Variants in DENND4C observed in about 807,000 individuals in gnomAD.
The protein encoded by DENND4C is DENN domain containing 4C.
A neutral mutation model predicts 203.0 loss-of-function variants in DENND4C; 108 were observed. The ratio of observed to expected loss-of-function variants is 0.53; its 90% CI spans 0.46 to 0.62. The LOEUF is 0.62. Ranked by LOEUF, DENND4C falls within the 20% of genes least tolerant of loss-of-function variation. The probability of loss-of-function intolerance (pLI) is 0.00; values close to 1 mark genes in which losing one functional copy is unlikely to be tolerated. For missense variants in DENND4C, 2,481 were observed against 2,301.2 expected (o/e 1.08, Z -1.60); for synonymous variants, 871 against 792.4 (o/e 1.10, Z -1.67).
At chr9:19,271,165 G>T (rs1264759150) in intron 1 of DENND4C, among the ~76,000 whole-genome samples, 1 of 149,976 alleles carries the variant, frequency 6.7e-6, no homozygotes, top group African/African-American at 2.4e-5. Context: ...TAAAATCACA[G>T]TAGGCTTTTT....
Position 19,241,414 on chromosome 9 carries a change from T to C in DENND4C, c.-18+10581T>C, listed in dbSNP as rs147038057. On this transcript the variant is annotated intron_variant, in intron 1 of 32. Coordinates refer to ENST00000434457, the MANE Select transcript of DENND4C (RefSeq NM_001330640.2). Reference sequence around the variant, plus strand: ...TTTTTTTAGAGATAGAGTCTCGCTATGTTGCTTAGGCTGGCCTCCAACTCC... The same window carrying C: ...TTTTTTTAGAGATAGAGTCTCGCTACGTTGCTTAGGCTGGCCTCCAACTCC... Among the ~76,000 whole-genome samples the C allele has an allele frequency of 5.0e-3, 763 of 152,252 alleles. 6 individuals carry two copies. Among genetic ancestry groups the C allele is most frequent in the African/African-American group, 0.017 (727 of 41,560 alleles).
intron 1 of DENND4C, among the ~76,000 whole-genome samples, chr9:19,275,277 CT>C (rs71335412): frequency 0.4 from 51,440 of 129,844 alleles, 9,954 homozygotes; most frequent in African/African-American, 0.5. Context: ...CAGGCCCGGC[CT>C]TTTTTTTTTT....
At chr9:19,335,228 T>A in intron 18 of DENND4C, 123 bp downstream of exon 18, 4 of 513,394 alleles carry the variant, frequency 7.8e-6, no homozygotes, top group Non-Finnish European at 1.2e-5. Flanking sequence ...TAATAATTTT[T>A]ATAATTATTA....
chr9:19,305,270 C>T, intron 9 of DENND4C, 82 bp from the exon 10 acceptor site: 1 of 1,211,610 alleles, frequency 8.3e-7, no homozygotes, highest in Non-Finnish European at 1.1e-6. Flanking sequence ...TTTCAGTGGT[C>T]CCTTTTCAGT....
intron 12 of DENND4C, among the ~76,000 whole-genome samples, chr9:19,319,352 T>TTA (rs78391178): frequency 0.85 from 114,886 of 135,832 alleles, 47,928 homozygotes; most frequent in East Asian, 0.97. Context: ...ATATATATAC[T>TTA]TATATATACA....
intron 22 of DENND4C, 58 bp downstream of exon 22, chr9:19,342,837 G>A: frequency 1.5e-6 from 2 of 1,361,062 alleles, no homozygotes; most frequent in Non-Finnish European, 1.9e-6. Flanking sequence ...AGACTCATAT[G>A]TGTCTTTAAT....
chr9:19,293,380 A>G (rs998803803), intron 5 of DENND4C, among the ~76,000 whole-genome samples: 2 of 152,124 alleles, frequency 1.3e-5, no homozygotes, highest in East Asian at 1.9e-4. Context: ...GGCAAGGGTT[A>G]TAATGAAAAA....
intron 1 of DENND4C, among the ~76,000 whole-genome samples, chr9:19,237,647 C>T (rs1328907051): frequency 2.0e-5 from 3 of 152,136 alleles, no homozygotes; most frequent in Non-Finnish European, 4.4e-5. Flanking sequence ...GTAGCCATCG[C>T]ACCCAGCCAG....
chr9:19,273,416 A>G lies in DENND4C; in HGVS notation c.-17-2742A>G, dbSNP rs149505164. Among the ~76,000 whole-genome samples the G allele has an allele frequency of 4.4e-3, 669 of 152,122 alleles. 14 individuals are homozygous for G. The highest frequency in any genetic ancestry group is 0.016 in the African/African-American group (644 of 41,388). On this transcript the variant is annotated intron_variant, in intron 1 of 32. Transcript: ENST00000434457. ...GATTTCTTACGACATCGCAAGCATG[A>G]TCTGTAAGAGAATAGGTTAATAAAT... is the stretch of plus-strand genomic sequence containing the variant.
At chr9:19,260,296 G>A (rs1829030395) in intron 1 of DENND4C, among the ~76,000 whole-genome samples, 1 of 152,006 alleles carries the variant, frequency 6.6e-6, no homozygotes, top group South Asian at 2.1e-4. Context: ...AACCTATTCA[G>A]ATATTTTGCC....
intron 24 of DENND4C, among the ~76,000 whole-genome samples, chr9:19,351,553 A>C (rs532888321): frequency 6.6e-5 from 10 of 152,320 alleles, no homozygotes; most frequent in Admixed American, 2.6e-4. Context: ...CATGCCTGTA[A>C]TCCTAGCACT....
At chr9:19,369,805 T>G in intron 30 of DENND4C, 32 bp from the exon 31 acceptor site, 1 of 1,335,510 alleles carries the variant, frequency 7.5e-7, no homozygotes. Flanking sequence ...TAGTAATAAT[T>G]GAAAAAAAAC....
intron 1 of DENND4C, among the ~76,000 whole-genome samples, chr9:19,236,405 T>G (rs1413175740): frequency 6.6e-6 from 1 of 152,174 alleles, no homozygotes; most frequent in African/African-American, 2.4e-5. Flanking sequence ...CGTGAAGTAA[T>G]GAAAAAATGT....
intron 24 of DENND4C, among the ~76,000 whole-genome samples, chr9:19,351,405 T>C (rs1261704985): frequency 6.6e-6 from 1 of 152,214 alleles, no homozygotes; most frequent in Non-Finnish European, 1.5e-5. Context: ...GAATCCGATG[T>C]ATACCAGAGT....
chr9:19,273,390 T>C (rs2130867478), intron 1 of DENND4C, among the ~76,000 whole-genome samples: 1 of 152,084 alleles, frequency 6.6e-6, no homozygotes, highest in Non-Finnish European at 1.5e-5. Context: ...TTGGCTGACA[T>C]GATTTCTTAC....
At chr9:19,300,430 A>G in intron 9 of DENND4C, 99 bp downstream of exon 9, 2 of 1,185,480 alleles carry the variant, frequency 1.7e-6, no homozygotes, top group Non-Finnish European at 1.1e-6. Flanking sequence ...AACAACAACA[A>G]ATTTAAAAAA....
intron 23 of DENND4C, among the ~76,000 whole-genome samples, chr9:19,349,252 A>G (rs942079411): frequency 6.6e-6 from 1 of 152,152 alleles, no homozygotes; most frequent in Non-Finnish European, 1.5e-5. Flanking sequence ...ACAAAAAAAT[A>G]CAAAAATTAG....
At chr9:19,275,384 C>G (rs1412112985) in intron 1 of DENND4C, among the ~76,000 whole-genome samples, 1 of 151,370 alleles carries the variant, frequency 6.6e-6, no homozygotes, top group African/African-American at 2.4e-5. Flanking sequence ...CCTCCGCCTT[C>G]CGGGGTCGAG....
chr9:19,275,359 T>C (rs897778268), intron 1 of DENND4C, among the ~76,000 whole-genome samples: 11 of 144,490 alleles, frequency 7.6e-5, no homozygotes, highest in African/African-American at 2.3e-4. Flanking sequence ...GTGGCGCAAT[T>C]TGGGCTCACT....
Sources: gnomAD v4.1 joint callset for allele counts (sites outside exome capture counted in the v4.1 genomes callset) on GRCh38, gnomAD v4.1.1 for gene constraint, MANE v1.5 for transcripts, NCBI Gene and HGNC (gene_info 2026-07-23, HGNC 2026-07-21) for gene names.